Variants in PTPRD observed in about 807,000 individuals in gnomAD.
PTPRD encodes the protein protein tyrosine phosphatase receptor type D.
Under a neutral mutation model 214.5 loss-of-function variants are expected in PTPRD, and 34 were observed. The observed-to-expected ratio is 0.16, with a 90% confidence interval of 0.12 to 0.21. The LOEUF is 0.21. Among genes scored for constraint, PTPRD ranks in the 10% least tolerant of loss-of-function variants. The pLI is 1.00. For synonymous variants in PTPRD, 1,128 were observed against 845.7 expected (o/e 1.33, Z -5.79); for missense variants, 2,545 against 2,398.7 (o/e 1.06, Z -1.27).
At chr9:10,094,418 T>C (rs562361194) in intron 3 of PTPRD, among the ~76,000 whole-genome samples, 7 of 151,394 alleles carry the variant, frequency 4.6e-5, no homozygotes, top group Admixed American at 4.6e-4. Flanking sequence ...GAAAATCAAT[T>C]CCATGCTCCT....
intron 9 of PTPRD, among the ~76,000 whole-genome samples, chr9:9,296,277 A>C (rs1230301604): frequency 6.6e-6 from 1 of 151,754 alleles, no homozygotes. Context: ...CTTGGGACAA[A>C]TGTTCTCACA....
chr9:9,171,866 T>C (rs887274024), intron 10 of PTPRD, among the ~76,000 whole-genome samples: 2 of 152,144 alleles, frequency 1.3e-5, no homozygotes, highest in African/African-American at 4.8e-5. Context: ...ACTGTCTCAA[T>C]GATCTGCAGC....
intron 3 of PTPRD, among the ~76,000 whole-genome samples, chr9:10,186,761 C>T (rs756512238): frequency 6.6e-6 from 1 of 152,108 alleles, no homozygotes; most frequent in Middle Eastern, 3.2e-3. Context: ...GCCTAGACTA[C>T]TGTCACAAGA....
intron 2 of PTPRD, among the ~76,000 whole-genome samples, chr9:10,536,668 T>G (rs1196426401): frequency 6.6e-6 from 1 of 152,072 alleles, no homozygotes; most frequent in African/African-American, 2.4e-5. Flanking sequence ...GATAAGCACT[T>G]CCTGTTCCTG....
chr9:9,787,807 T>C (rs925147721), intron 5 of PTPRD, among the ~76,000 whole-genome samples: 1 of 151,452 alleles, frequency 6.6e-6, no homozygotes, highest in African/African-American at 2.4e-5. Context: ...TTTGAGACAG[T>C]GTCTTGCTCT....
chr9:8,763,660 T>G (rs1454248748), intron 11 of PTPRD, among the ~76,000 whole-genome samples: 1 of 151,074 alleles, frequency 6.6e-6, no homozygotes, highest in Non-Finnish European at 1.5e-5. Flanking sequence ...TAAGAGAAAG[T>G]GATGTTCCCT....
chr9:8,659,820 T>A (rs1209875500), intron 12 of PTPRD, among the ~76,000 whole-genome samples: 1 of 152,210 alleles, frequency 6.6e-6, no homozygotes, highest in Non-Finnish European at 1.5e-5. Flanking sequence ...ATATCAACGT[T>A]CTCTAAATTA....
At chr9:8,847,100 A>G (rs1323222295) in intron 11 of PTPRD, among the ~76,000 whole-genome samples, 1 of 152,226 alleles carries the variant, frequency 6.6e-6, no homozygotes, top group Non-Finnish European at 1.5e-5. Context: ...TCCTCGATAT[A>G]ATACAAGTGT....
chr9:9,067,103 C>T lies in PTPRD; in HGVS notation c.-142-48368G>A, dbSNP rs527372130. 6.6e-5 allele frequency among the ~76,000 whole-genome samples: 10 copies of T among 152,200 alleles called. No individual in the cohort carries two copies. In the South Asian group the frequency reaches 1.0e-3, roughly 16 times the overall value. ...ACTACAAATAAAAAAATTTAGCCCT[C>T]GTGGTGGCACATGACTGTAATTCTG... On this transcript the variant is annotated intron_variant, in intron 10 of 45. Coordinates refer to ENST00000381196, the MANE Select transcript of PTPRD (RefSeq NM_002839.4).
intron 4 of PTPRD, among the ~76,000 whole-genome samples, chr9:10,002,983 A>T (rs1460324078): frequency 1.3e-5 from 2 of 151,762 alleles, no homozygotes; most frequent in Admixed American, 1.3e-4. Context: ...ATTTAAATGA[A>T]AGACCACCAA....
chr9:9,149,904 G>A (rs2099875199), intron 10 of PTPRD, among the ~76,000 whole-genome samples: 1 of 152,168 alleles, frequency 6.6e-6, no homozygotes, highest in African/African-American at 2.4e-5. Flanking sequence ...TTCCATTTAA[G>A]TACCTGAGGA....
At chr9:9,789,752 G>C (rs921323002) in intron 5 of PTPRD, among the ~76,000 whole-genome samples, 3 of 126,486 alleles carry the variant, frequency 2.4e-5, no homozygotes, top group Admixed American at 9.8e-5. Context: ...AGCCGAGATT[G>C]CGCCACTGCA....
intron 30 of PTPRD, among the ~76,000 whole-genome samples, chr9:8,475,875 ACTCT>A (rs952160263): frequency 3.3e-5 from 5 of 151,706 alleles, no homozygotes; most frequent in African/African-American, 1.2e-4. Context: ...TACTCTCTCA[ACTCT>A]CTCTATTGAC....
chr9:10,049,154 T>C (rs982560065), intron 3 of PTPRD, among the ~76,000 whole-genome samples: 2 of 152,172 alleles, frequency 1.3e-5, no homozygotes, highest in Non-Finnish European at 2.9e-5. Context: ...CAGACACTGA[T>C]ACCACTTCAA....
intron 3 of PTPRD, among the ~76,000 whole-genome samples, chr9:10,134,518 G>C (rs1213530811): frequency 6.6e-6 from 1 of 152,078 alleles, no homozygotes. Context: ...CTGAGTTGCA[G>C]CCTGATTTAC....
chr9:9,391,252 T>C (rs1431725666), intron 9 of PTPRD, among the ~76,000 whole-genome samples: 1 of 152,188 alleles, frequency 6.6e-6, no homozygotes, highest in African/African-American at 2.4e-5. Flanking sequence ...GAATAATTTG[T>C]GTAGCCAGTT....
chr9:8,728,317 T>C lies in PTPRD; in HGVS notation c.64+5463A>G, dbSNP rs185318364. Among the ~76,000 whole-genome samples the C allele has an allele frequency of 3.3e-5, 5 of 152,368 alleles. No individual in the cohort carries two copies. In the East Asian group the frequency reaches 9.6e-4, roughly 29 times the overall value. On this transcript the variant is annotated intron_variant, in intron 12 of 45. Transcript: ENST00000381196. The stretch of plus-strand genomic sequence containing the variant: ...TTAAAGGATACTTAAATGATAGAGA[T>C]AACACTCATAATCTAAAACAAAAAC...
At chr9:9,512,718 T>C (rs979009628) in intron 8 of PTPRD, among the ~76,000 whole-genome samples, 9 of 151,924 alleles carry the variant, frequency 5.9e-5, no homozygotes, top group East Asian at 1.9e-4. Flanking sequence ...CTGGGGACTA[T>C]ACACAACTAT....
intron 2 of PTPRD, among the ~76,000 whole-genome samples, chr9:10,597,432 G>C (rs77666104): frequency 2.0e-5 from 3 of 151,676 alleles, no homozygotes; most frequent in Non-Finnish European, 4.4e-5. Flanking sequence ...TTAATGTAAT[G>C]ATTCACCATT....
Sources: gnomAD v4.1 joint callset for allele counts (sites outside exome capture counted in the v4.1 genomes callset) on GRCh38, gnomAD v4.1.1 for gene constraint, MANE v1.5 for transcripts, NCBI Gene and HGNC (gene_info 2026-07-23, HGNC 2026-07-21) for gene names.